PDK1: variants seen among roughly 807,000 people sequenced by gnomAD.
The protein encoded by PDK1 is [Pyruvate dehydrogenase (acetyl-transferring)] kinase isozyme 1, mitochondrial.
PDK1 carries 39 observed loss-of-function variants against 54.2 expected under a neutral mutation model. That is an observed-to-expected ratio of 0.72 (90% CI 0.56 to 0.94). The LOEUF is 0.94. Among genes scored for constraint, PDK1 ranks in the 40% least tolerant of loss-of-function variants. The pLI is 0.00. For synonymous variants in PDK1, 221 were observed against 207.1 expected (o/e 1.07, Z -0.58); for missense variants, 552 against 566.0 (o/e 0.98, Z 0.25).
chr2:172,599,175 T>C lies in PDK1; in HGVS notation c.*3206T>C, dbSNP rs1345999249. 7.2e-6 allele frequency: 1 copy of C among 139,354 alleles called. No individual in the cohort carries two copies. Among genetic ancestry groups the C allele is most frequent in the Non-Finnish European group, 1.5e-5 (1 of 64,680 alleles). The allele number at this position is 139,354 out of a possible 1,614,324, so 8.6% of individuals were successfully genotyped here. On this transcript the variant is annotated 3_prime_UTR_variant, in exon 11 of 11. Transcript: ENST00000282077. ...TAACTGTAAAAAAAAAAAAAAAAAG[T>C]CTTAATTTAACCAGCATTACCCTCT...
chr2:172,691,112 A>T, the PDK1 span, among the ~76,000 whole-genome samples: 1 of 150,584 alleles, frequency 6.6e-6, no homozygotes, highest in South Asian at 2.1e-4. Flanking sequence ...GTTTATTTTT[A>T]AAAGCGACTA....
intron 1 of PDK1, 132 bp downstream of exon 1, chr2:172,556,478 C>G: frequency 1.7e-6 from 1 of 593,820 alleles, no homozygotes; most frequent in East Asian, 3.5e-5. Flanking sequence ...GTTTCCGCCC[C>G]CAGCGCCTTA....
At chr2:172,695,137 G>T in the PDK1 span, among the ~76,000 whole-genome samples, 3 of 152,012 alleles carry the variant, frequency 2.0e-5, no homozygotes, top group Non-Finnish European at 4.4e-5. Context: ...AACAAAAAAA[G>T]TTTAGCGATG....
intron 10 of PDK1, among the ~76,000 whole-genome samples, chr2:172,593,552 A>C (rs181936950): frequency 1.8e-4 from 27 of 152,308 alleles, no homozygotes; most frequent in Admixed American, 1.6e-3. Context: ...AGCAAGTTTT[A>C]TGTGACTTTC....
the PDK1 span, among the ~76,000 whole-genome samples, chr2:172,689,441 T>C: frequency 7.9e-5 from 12 of 152,204 alleles, no homozygotes; most frequent in Non-Finnish European, 1.0e-4. Context: ...AATTTATAGA[T>C]TTAATGCCAT....
At chr2:172,626,710 C>G in the PDK1 span, among the ~76,000 whole-genome samples, 228 of 151,870 alleles carry the variant, frequency 1.5e-3, 3 homozygotes, top group Middle Eastern at 6.8e-3. Context: ...GGGAGGATTG[C>G]TTGAACCTGG....
At chr2:172,614,181 C>CCG in the PDK1 span, among the ~76,000 whole-genome samples, 1 of 149,148 alleles carries the variant, frequency 6.7e-6, no homozygotes, top group African/African-American at 2.5e-5. Flanking sequence ...GACCCCCCCC[C>CCG]CCAACCCCCA....
At chr2:172,565,187 A>G (rs1174278915) in intron 5 of PDK1, 114 bp downstream of exon 5, 2 of 661,558 alleles carry the variant, frequency 3.0e-6, no homozygotes, top group Non-Finnish European at 5.4e-6. Flanking sequence ...GCACAAATGC[A>G]TGGGTTTGAA....
the PDK1 span, among the ~76,000 whole-genome samples, chr2:172,645,956 C>T: frequency 6.6e-6 from 1 of 152,222 alleles, no homozygotes; most frequent in Non-Finnish European, 1.5e-5. Flanking sequence ...TTGAGTCAGG[C>T]TACTGTGGGT....
chr2:172,672,630 T>A, the PDK1 span, among the ~76,000 whole-genome samples: 2 of 152,044 alleles, frequency 1.3e-5, no homozygotes, highest in African/African-American at 4.8e-5. Flanking sequence ...CTTTTTTTTT[T>A]TAAAAAACAA....
At chr2:172,644,187 A>G in the PDK1 span, among the ~76,000 whole-genome samples, 6 of 152,260 alleles carry the variant, frequency 3.9e-5, no homozygotes, top group African/African-American at 1.2e-4. Flanking sequence ...GACCAGGGAC[A>G]GGACAGGGAG....
At chr2:172,633,767 T>A in the PDK1 span, among the ~76,000 whole-genome samples, 3 of 150,978 alleles carry the variant, frequency 2.0e-5, no homozygotes, top group Non-Finnish European at 3.0e-5. Flanking sequence ...TTATGACCAA[T>A]GAAAATTTCC....
At chr2:172,686,641 C>G in the PDK1 span, among the ~76,000 whole-genome samples, 3,043 of 152,304 alleles carry the variant, frequency 0.02, 53 homozygotes, top group South Asian at 0.036. Flanking sequence ...AAGCTTTGTT[C>G]TTTTGCTCTT....
At chr2:172,615,036 G>A in the PDK1 span, among the ~76,000 whole-genome samples, 1 of 152,084 alleles carries the variant, frequency 6.6e-6, no homozygotes, top group Non-Finnish European at 1.5e-5. Flanking sequence ...GCCTGGTCTG[G>A]CTGCAGACCC....
downstream of PDK1, among the ~76,000 whole-genome samples, chr2:172,610,595 A>G (rs1691430452): frequency 6.6e-6 from 1 of 152,152 alleles, no homozygotes; most frequent in South Asian, 2.1e-4. Flanking sequence ...TCCTACATCA[A>G]ATTATCTCTA....
chr2:172,557,137 C>T (rs77842539), intron 1 of PDK1, among the ~76,000 whole-genome samples: 10,744 of 152,176 alleles, frequency 0.071, 1,230 homozygotes, highest in East Asian at 0.54. Context: ...TGGTTGGCAA[C>T]TTTGTCTTAA....
At chr2:172,712,523 A>G in the PDK1 span, among the ~76,000 whole-genome samples, 1 of 152,216 alleles carries the variant, frequency 6.6e-6, no homozygotes, top group Non-Finnish European at 1.5e-5. Context: ...CAGGCATGCT[A>G]GCTGCGGTGG....
At chr2:172,592,495 C>G (rs369754048) in intron 9 of PDK1, among the ~76,000 whole-genome samples, 5 of 152,070 alleles carry the variant, frequency 3.3e-5, no homozygotes, top group African/African-American at 9.7e-5. Context: ...TCCTCTGTCT[C>G]TCTCTCTGAC....
chr2:172,555,909 T>TGGGCGGGACTCCGGCGAGG (rs1191658498), upstream of PDK1: 3 of 358,944 alleles, frequency 8.4e-6, no homozygotes, highest in South Asian at 2.1e-4. Flanking sequence ...CTCGGGAGGC[T>TGGGCGGGACTCCGGCGAGG]GGGCGGGACT....
Sources: gnomAD v4.1 joint callset for allele counts (sites outside exome capture counted in the v4.1 genomes callset) on GRCh38, gnomAD v4.1.1 for gene constraint, MANE v1.5 for transcripts, NCBI Gene and HGNC (gene_info 2026-07-23, HGNC 2026-07-21) for gene names.